The following GPC5 variants were observed in gnomAD, a reference collection of about 807,000 sequenced individuals.
GPC5 encodes the protein glypican 5, also known as glypican-5.
A neutral mutation model predicts 53.9 loss-of-function variants in GPC5; 47 were observed. That is an observed-to-expected ratio of 0.87 (90% confidence interval 0.69 to 1.11). GPC5 has a LOEUF of 1.11. Among genes scored for constraint, GPC5 ranks in the 50% most tolerant of loss-of-function variants. The probability of loss-of-function intolerance (pLI) is 0.00; values close to 1 mark genes in which losing one functional copy is unlikely to be tolerated. For synonymous variants in GPC5, 286 were observed against 263.3 expected (o/e 1.09, Z -0.84); for missense variants, 748 against 713.1 (o/e 1.05, Z -0.56).
intron 7 of GPC5, among the ~76,000 whole-genome samples, chr13:92,178,231 A>T (rs2042122340): frequency 6.6e-6 from 1 of 152,160 alleles, no homozygotes; most frequent in Admixed American, 6.5e-5. Context: ...ATTCCAGTCT[A>T]GGGATTCAAA....
chr13:92,330,138 A>C (rs1566541718), intron 7 of GPC5, among the ~76,000 whole-genome samples: 1 of 152,162 alleles, frequency 6.6e-6, no homozygotes, highest in Non-Finnish European at 1.5e-5. Context: ...TTTGGAGAAA[A>C]GAGAATGTGT....
intron 7 of GPC5, among the ~76,000 whole-genome samples, chr13:92,386,189 A>G (rs972108915): frequency 1.3e-5 from 2 of 151,958 alleles, no homozygotes; most frequent in African/African-American, 4.8e-5. Context: ...GCATTTTTAA[A>G]CTCATGATGG....
intron 5 of GPC5, among the ~76,000 whole-genome samples, chr13:91,836,513 A>G (rs1477622078): frequency 2.0e-5 from 3 of 152,050 alleles, no homozygotes; most frequent in Admixed American, 6.6e-5. Flanking sequence ...ATGAATATAT[A>G]CTGAGTGATT....
intron 7 of GPC5, among the ~76,000 whole-genome samples, chr13:92,825,790 T>C (rs1877826586): frequency 6.6e-6 from 1 of 152,184 alleles, no homozygotes; most frequent in Non-Finnish European, 1.5e-5. Context: ...CTTAATTACA[T>C]GTATTCTGAT....
At chr13:92,760,846 A>T (rs1875137948) in intron 7 of GPC5, among the ~76,000 whole-genome samples, 1 of 151,842 alleles carries the variant, frequency 6.6e-6, no homozygotes, top group Admixed American at 6.6e-5. Flanking sequence ...GATTTGTTGC[A>T]TTTCTATTAT....
intron 7 of GPC5, among the ~76,000 whole-genome samples, chr13:92,452,669 G>C (rs866696562): frequency 7.9e-5 from 12 of 152,134 alleles, no homozygotes; most frequent in African/African-American, 2.9e-4. Context: ...CCAGGTTCAA[G>C]TGATTCTCCT....
chr13:92,562,066 C>T (rs1170678807), intron 7 of GPC5, among the ~76,000 whole-genome samples: 2 of 152,024 alleles, frequency 1.3e-5, no homozygotes, highest in Non-Finnish European at 2.9e-5. Flanking sequence ...CAGTTTTAGC[C>T]TCCAATAGGA....
intron 2 of GPC5, among the ~76,000 whole-genome samples, chr13:91,654,681 A>G (rs1467761402): frequency 1.3e-5 from 2 of 152,190 alleles, no homozygotes; most frequent in East Asian, 1.9e-4. Flanking sequence ...TTTGGAAACA[A>G]AATACTATTG....
chr13:92,235,978 A>G lies in GPC5; in HGVS notation c.1561+90989A>G, dbSNP rs146939530. On this transcript the variant is annotated intron_variant, in intron 7 of 7. Transcript: ENST00000377067. Reference sequence around the variant, plus strand: ...TTTACTGTTTATAAAATATTAAGCTAGGCTACCTTTTTCCTGATGACTCAG... The same window carrying G: ...TTTACTGTTTATAAAATATTAAGCTGGGCTACCTTTTTCCTGATGACTCAG... Among the ~76,000 whole-genome samples the G allele has an allele frequency of 2.0e-5, 3 of 152,254 alleles. No individual in the cohort carries two copies. The East Asian group carries it at 5.8e-4, about 29-fold the overall frequency.
intron 7 of GPC5, among the ~76,000 whole-genome samples, chr13:92,644,234 T>A (rs1351784754): frequency 6.6e-6 from 1 of 152,194 alleles, no homozygotes; most frequent in Non-Finnish European, 1.5e-5. Flanking sequence ...CCTAACAGGC[T>A]ATTTACTTAG....
chr13:91,737,982 A>T (rs1412087200), intron 4 of GPC5, among the ~76,000 whole-genome samples: 1 of 151,380 alleles, frequency 6.6e-6, no homozygotes, highest in African/African-American at 2.5e-5. Flanking sequence ...CAGGTAATTG[A>T]AGCTTATATA....
In GPC5 at chr13:92,099,633, A is replaced by G. The variant is rs116478500; in HGVS notation, c.1402-45197A>G. Among the ~76,000 whole-genome samples, 460 of 152,328 alleles carry G rather than the reference A, an allele frequency of 3.0e-3. 4 individuals are homozygous for G. Among genetic ancestry groups the G allele is most frequent in the African/African-American group, 0.01 (428 of 41,574 alleles). Reference sequence around the variant, plus strand: ...ATCTATTTGTAGGTTGGTAAAAGTCAGAGTGCCTGATGCATAGATGAATAT... The same window carrying G: ...ATCTATTTGTAGGTTGGTAAAAGTCGGAGTGCCTGATGCATAGATGAATAT... On this transcript the variant is annotated intron_variant, in intron 6 of 7. Coordinates refer to ENST00000377067, the MANE Select transcript of GPC5 (RefSeq NM_004466.6).
intron 7 of GPC5, among the ~76,000 whole-genome samples, chr13:92,410,510 A>T (rs539649814): frequency 2.6e-5 from 4 of 152,300 alleles, no homozygotes; most frequent in African/African-American, 7.2e-5. Context: ...TGTTGAAAGC[A>T]TTGCACAGAA....
At chr13:92,246,611 T>TA (rs1445256869) in intron 7 of GPC5, among the ~76,000 whole-genome samples, 2 of 152,244 alleles carry the variant, frequency 1.3e-5, no homozygotes, top group East Asian at 3.9e-4. Context: ...GAAAAACAAC[T>TA]AATACTTAGC....
chr13:91,906,971 T>C (rs1244439810), intron 5 of GPC5, among the ~76,000 whole-genome samples: 1 of 150,520 alleles, frequency 6.6e-6, no homozygotes. Context: ...CCTTGTACAG[T>C]TATATATTTT....
chr13:92,544,179 G>A (rs1882023767), intron 7 of GPC5, among the ~76,000 whole-genome samples: 3 of 152,018 alleles, frequency 2.0e-5, no homozygotes, highest in Admixed American at 2.0e-4. Flanking sequence ...TTCACTTGTA[G>A]ACTTGCTTAG....
chr13:92,603,467 T>C (rs1332654115), intron 7 of GPC5, among the ~76,000 whole-genome samples: 1 of 152,200 alleles, frequency 6.6e-6, no homozygotes, highest in Non-Finnish European at 1.5e-5. Flanking sequence ...GATTGTATGA[T>C]TTAGTAATTA....
intron 2 of GPC5, among the ~76,000 whole-genome samples, chr13:91,637,891 T>C (rs898062269): frequency 2.0e-5 from 3 of 152,244 alleles, no homozygotes; most frequent in Non-Finnish European, 4.4e-5. Flanking sequence ...AGAACTCCTC[T>C]GTGAAGCGGG....
At chr13:91,814,668 G>A (rs1459983561) in intron 5 of GPC5, among the ~76,000 whole-genome samples, 6 of 152,048 alleles carry the variant, frequency 3.9e-5, no homozygotes, top group Non-Finnish European at 8.8e-5. Flanking sequence ...AGCCTCCTGA[G>A]TAGCTGGGAT....
Sources: gnomAD v4.1 joint callset for allele counts (sites outside exome capture counted in the v4.1 genomes callset) on GRCh38, gnomAD v4.1.1 for gene constraint, MANE v1.5 for transcripts, NCBI Gene and HGNC (gene_info 2026-07-23, HGNC 2026-07-21) for gene names.